BORCS5: variants seen among roughly 807,000 people sequenced by gnomAD.
The protein encoded by BORCS5 is BLOC-1-related complex subunit 5.
Under a neutral mutation model 22.1 loss-of-function variants are expected in BORCS5, and 17 were observed. The ratio of observed to expected loss-of-function variants is 0.77; its 90% CI spans 0.53 to 1.15. The LOEUF (loss-of-function observed/expected upper bound fraction) is 1.15, where lower values mean the gene tolerates loss of function less well. Among genes scored for constraint, BORCS5 ranks in the 50% most tolerant of loss-of-function variants. The probability of loss-of-function intolerance (pLI) is 0.00; values close to 1 mark genes in which losing one functional copy is unlikely to be tolerated. For missense variants in BORCS5, 247 were observed against 253.2 expected, an observed-to-expected ratio of 0.98 and a Z score of 0.17; for synonymous variants, 117 against 99.8, an observed-to-expected ratio of 1.17 and a Z score of -1.03.
chr12:12,387,763 C>A (rs1442144142), intron 2 of BORCS5, among the ~76,000 whole-genome samples: 1 of 151,496 alleles, frequency 6.6e-6, no homozygotes, highest in Non-Finnish European at 1.5e-5. Context: ...ACACCTCCCC[C>A]ATCCTGTATT....
chr12:12,450,144 G>GGTCGCTTA (rs1266928205), intron 3 of BORCS5, among the ~76,000 whole-genome samples: 3 of 152,208 alleles, frequency 2.0e-5, no homozygotes, highest in Non-Finnish European at 2.9e-5. Flanking sequence ...TGGTCGCTTA[G>GGTCGCTTA]GACAGGTGTG....
chr12:12,420,127 A>G (rs1290264937), intron 2 of BORCS5, among the ~76,000 whole-genome samples: 9 of 148,768 alleles, frequency 6.0e-5, no homozygotes, highest in South Asian at 4.2e-4. Flanking sequence ...GCCCATGCCT[A>G]TGTCCTGAAT....
At chr12:12,438,044 T>C (rs566365873) in intron 3 of BORCS5, among the ~76,000 whole-genome samples, 1 of 152,170 alleles carries the variant, frequency 6.6e-6, no homozygotes, top group Non-Finnish European at 1.5e-5. Flanking sequence ...CTACCATTTT[T>C]TACAGTTGTG....
chr12:12,443,998 A>G (rs1469385817), intron 3 of BORCS5, among the ~76,000 whole-genome samples: 1 of 152,234 alleles, frequency 6.6e-6, no homozygotes, highest in Non-Finnish European at 1.5e-5. Flanking sequence ...TGGAAATGAA[A>G]CCAGGGCTGG....
At chr12:12,388,083 C>T (rs1054267843) in intron 2 of BORCS5, among the ~76,000 whole-genome samples, 4 of 151,306 alleles carry the variant, frequency 2.6e-5, no homozygotes, top group African/African-American at 9.7e-5. Context: ...TTAGTGAGAA[C>T]TAACATTTGT....
At chr12:12,446,473 T>C (rs1448552950) in intron 3 of BORCS5, among the ~76,000 whole-genome samples, 1 of 152,236 alleles carries the variant, frequency 6.6e-6, no homozygotes, top group African/African-American at 2.4e-5. Flanking sequence ...TTCTGTTCTT[T>C]ACTATCACCC....
intron 3 of BORCS5, among the ~76,000 whole-genome samples, chr12:12,448,384 T>A (rs1366710529): frequency 6.6e-6 from 1 of 151,872 alleles, no homozygotes; most frequent in Non-Finnish European, 1.5e-5. Context: ...CCCGGCTAAT[T>A]TTTGTATTTT....
At chr12:12,384,345 T>C (rs781027479) in intron 2 of BORCS5, among the ~76,000 whole-genome samples, 2 of 150,440 alleles carry the variant, frequency 1.3e-5, no homozygotes, top group Non-Finnish European at 3.0e-5. Flanking sequence ...GTAGATTCAT[T>C]GTTATATTTT....
rs184229195 is a variant in BORCS5 at position 12,459,116 on chromosome 12, G to A, written c.361-6430G>A. Among the ~76,000 whole-genome samples, 474 of 151,860 alleles carry A rather than the reference G, an allele frequency of 3.1e-3. 3 individuals carry two copies. The highest frequency in any genetic ancestry group is 0.011 in the African/African-American group (440 of 41,464). On this transcript the variant is annotated intron_variant, in intron 3 of 3. Coordinates refer to ENST00000314565, the MANE Select transcript of BORCS5 (RefSeq NM_058169.6). The stretch of plus-strand genomic sequence containing the variant: ...TCTCCATGTTGGTCAGGCTGGTCTC[G>A]AGCTCCTGACCTCAGGTGATCCACC...
rs1943209882 is a variant in BORCS5 at position 12,466,709 on chromosome 12, G to A, written c.*933G>A. On this transcript the variant is annotated 3_prime_UTR_variant, in exon 4 of 4. Transcript: ENST00000314565. ...TGGAAGCAAGGACTGGAGAAGCAAAGAGTGGAATGTGAGGAGCAGACCTAG... is the reference window on the plus strand; with the variant it reads ...TGGAAGCAAGGACTGGAGAAGCAAAAAGTGGAATGTGAGGAGCAGACCTAG... 6.6e-6 allele frequency: 1 copy of A among 152,360 alleles called. No homozygotes were observed. The highest frequency in any genetic ancestry group is 6.5e-5 in the Admixed American group (1 of 15,284). The allele number at this position is 152,360 out of a possible 1,614,324, so 9.4% of individuals were successfully genotyped here.
chr12:12,420,805 CTT>C (rs966732178), intron 2 of BORCS5, among the ~76,000 whole-genome samples: 8 of 152,096 alleles, frequency 5.3e-5, no homozygotes, highest in Non-Finnish European at 8.8e-5. Flanking sequence ...ATTTTATTCT[CTT>C]TGAAGCAATT....
chr12:12,425,124 A>C (rs1013067060), intron 2 of BORCS5, among the ~76,000 whole-genome samples: 1 of 152,260 alleles, frequency 6.6e-6, no homozygotes, highest in South Asian at 2.1e-4. Flanking sequence ...GTCTCCCACA[A>C]ACTGTGTGCA....
intron 2 of BORCS5, among the ~76,000 whole-genome samples, chr12:12,387,145 G>A (rs1394985302): frequency 6.6e-6 from 1 of 151,492 alleles, no homozygotes; most frequent in South Asian, 2.1e-4. Context: ...TGGGATTGCA[G>A]GTTTGAGCTC....
chr12:12,462,832 A>G (rs563695328), intron 3 of BORCS5, among the ~76,000 whole-genome samples: 12 of 151,898 alleles, frequency 7.9e-5, no homozygotes, highest in African/African-American at 2.4e-4. Context: ...AATTTTTTGT[A>G]TTTTAATAGA....
intron 3 of BORCS5, among the ~76,000 whole-genome samples, chr12:12,464,948 G>A (rs1282273058): frequency 6.6e-6 from 1 of 152,102 alleles, no homozygotes; most frequent in East Asian, 1.9e-4. Flanking sequence ...ATTGAGTGAA[G>A]AACATGCATT....
intron 2 of BORCS5, among the ~76,000 whole-genome samples, chr12:12,363,447 A>G (rs1424779180): frequency 6.6e-6 from 1 of 152,116 alleles, no homozygotes; most frequent in Non-Finnish European, 1.5e-5. Flanking sequence ...TAAAAATACA[A>G]AAAATTAGGC....
chr12:12,439,837 C>T lies in BORCS5; in HGVS notation c.360+4052C>T, dbSNP rs1025407317. On this transcript the variant is annotated intron_variant, in intron 3 of 3. Transcript: ENST00000314565. ...TCTTATCTCTGTTGGTGAGTGTTAG[C>T]AAACTCCTGAATCATATCCGTCCGT... 2.0e-5 allele frequency among the ~76,000 whole-genome samples: 3 copies of T among 152,150 alleles called. No individual in the cohort carries two copies. In the East Asian group the frequency reaches 5.8e-4, roughly 29 times the overall value.
rs1253554064 is a variant in BORCS5, at chr12:12,467,707, G to T, written c.*1931G>T. The T allele has an allele frequency of 1.3e-5, 2 of 152,256 alleles. No homozygotes were observed. The highest frequency in any genetic ancestry group is 2.4e-5 in the African/African-American group (1 of 41,462). 9.4% of individuals were successfully genotyped at this position (152,256 alleles called of 1,614,324 possible). On this transcript the variant is annotated 3_prime_UTR_variant, in exon 4 of 4. Transcript: ENST00000314565. ...GCAGTGTCGTGAACTTGGCTAAACT[G>T]AACTGTGTTCCCAGAATTCCCTTCC...
rs766582653 is a variant in BORCS5 at position 12,357,441 on chromosome 12, C to T, written c.-11C>T. ...GCCCGCCGTTCTTCTGCTGCCACCGCTGTCGGCACCATGGGCAGTGAGCAG... is the reference window on the plus strand; with the variant it reads ...GCCCGCCGTTCTTCTGCTGCCACCGTTGTCGGCACCATGGGCAGTGAGCAG... On this transcript the variant is annotated 5_prime_UTR_variant, in exon 1 of 4. Coordinates refer to ENST00000314565, the MANE Select transcript of BORCS5 (RefSeq NM_058169.6). 3.1e-6 allele frequency: 5 copies of T among 1,606,198 alleles called. No individual in the cohort carries two copies. The highest frequency in any genetic ancestry group is 3.4e-6 in the Non-Finnish European group (4 of 1,173,890).
Sources: allele counts gnomAD v4.1 joint callset (sites outside exome capture counted in the v4.1 genomes callset), GRCh38; gene constraint gnomAD v4.1.1; transcripts MANE v1.5; gene names NCBI Gene and HGNC (gene_info 2026-07-23, HGNC 2026-07-21).